USP32: variants seen among roughly 807,000 people sequenced by gnomAD.
USP32 encodes the protein ubiquitin specific peptidase 32.
In USP32, 59 loss-of-function variants were observed where a neutral mutation model predicts 204.8. That is an observed-to-expected ratio of 0.29 (90% confidence interval 0.23 to 0.36). The LOEUF (loss-of-function observed/expected upper bound fraction) is 0.36, where lower values mean the gene tolerates loss of function less well. USP32 is among the 10% of genes least tolerant of loss of function. The pLI, the probability that USP32 is intolerant of heterozygous loss-of-function variation, is 1.00. For missense variants in USP32, 1,160 were observed against 1,946.4 expected (o/e 0.60, Z 7.60); for synonymous variants, 517 against 678.4 (o/e 0.76, Z 3.70).
At chr17:60,198,965 A>C (rs2084599208) in intron 26 of USP32, among the ~76,000 whole-genome samples, 1 of 152,100 alleles carries the variant, frequency 6.6e-6, no homozygotes, top group Non-Finnish European at 1.5e-5. Flanking sequence ...AAATAAATAC[A>C]ATTAGCTGGG....
At chr17:60,351,182 G>A (rs1408430651) in intron 1 of USP32, among the ~76,000 whole-genome samples, 1 of 152,104 alleles carries the variant, frequency 6.6e-6, no homozygotes, top group African/African-American at 2.4e-5. Flanking sequence ...CAAAGTCTAT[G>A]AGGAGTAGTT....
intron 29 of USP32, chr17:60,185,856 G>C: frequency 3.9e-6 from 2 of 509,916 alleles, no homozygotes; most frequent in Non-Finnish European, 6.8e-6. Flanking sequence ...GAGTCCAGGA[G>C]TTCGAAACCA....
intron 11 of USP32, among the ~76,000 whole-genome samples, chr17:60,242,317 T>C (rs1209618894): frequency 6.6e-6 from 1 of 152,168 alleles, no homozygotes; most frequent in Non-Finnish European, 1.5e-5. Flanking sequence ...TTTTTTTCTT[T>C]TTAAAGTCAG....
intron 28 of USP32, 55 bp downstream of exon 28, chr17:60,192,789 T>A: frequency 6.3e-7 from 1 of 1,585,236 alleles, no homozygotes; most frequent in South Asian, 1.1e-5. Context: ...ATGAAAACTG[T>A]ATAATATCTA....
intron 1 of USP32, among the ~76,000 whole-genome samples, chr17:60,406,202 T>A (rs959916348): frequency 3.5e-4 from 47 of 135,542 alleles, no homozygotes; most frequent in Middle Eastern, 3.7e-3. Context: ...AAAAAAAAAA[T>A]TTTTTTTTGG....
At chr17:60,209,723 AC>A (rs144710628) in intron 21 of USP32, among the ~76,000 whole-genome samples, 180 bp from the exon 22 acceptor site, 179 of 150,464 alleles carry the variant, frequency 1.2e-3, no homozygotes, top group African/African-American at 4.2e-3. Flanking sequence ...ATGTCAAATG[AC>A]CCCCCCCAAA....
At chr17:60,327,855 G>C (rs1007750022) in intron 2 of USP32, among the ~76,000 whole-genome samples, 2 of 152,236 alleles carry the variant, frequency 1.3e-5, no homozygotes, top group Non-Finnish European at 2.9e-5. Flanking sequence ...AGCCCGGCCA[G>C]GTATGTGGAC....
chr17:60,316,707 G>C (rs58449198), intron 2 of USP32, among the ~76,000 whole-genome samples: 17 of 152,016 alleles, frequency 1.1e-4, no homozygotes, highest in East Asian at 1.9e-4. Context: ...CGGGTGTGGT[G>C]GTGGGCGCCT....
rs1006273780 is a variant in USP32 at position 60,210,444 on chromosome 17, T to C, written c.2424+569A>G. On this transcript the variant is annotated intron_variant, in intron 21 of 33. Transcript: ENST00000300896. ...CTCGTGCCTCAGCCTCCCAAGTAGC[T>C]GGGATTACAAGCATGCACCACTATG... Among the ~76,000 whole-genome samples the C allele has an allele frequency of 2.6e-5, 4 of 152,256 alleles. No homozygotes were observed. In the East Asian group the frequency reaches 7.7e-4, roughly 29 times the overall value.
At chr17:60,303,692 GA>G (rs1269859208) in intron 2 of USP32, among the ~76,000 whole-genome samples, 3 of 152,108 alleles carry the variant, frequency 2.0e-5, no homozygotes, top group African/African-American at 7.2e-5. Flanking sequence ...TGTCCTATAT[GA>G]AGCACTTATG....
chr17:60,261,049 G>A (rs2086440163), intron 9 of USP32, among the ~76,000 whole-genome samples: 1 of 152,126 alleles, frequency 6.6e-6, no homozygotes, highest in South Asian at 2.1e-4. Context: ...GTTTTACACT[G>A]AACAGTCACG....
At chr17:60,309,428 CCT>C (rs1438622163) in intron 2 of USP32, among the ~76,000 whole-genome samples, 2 of 151,840 alleles carry the variant, frequency 1.3e-5, no homozygotes, top group Admixed American at 6.6e-5. Flanking sequence ...GGCAGAAACC[CCT>C]GTCTCTACAA....
chr17:60,227,577 C>CTTT (rs1488979608), intron 12 of USP32, among the ~76,000 whole-genome samples: 2 of 147,496 alleles, frequency 1.4e-5, no homozygotes, highest in African/African-American at 5.0e-5. Flanking sequence ...TTCAGTTTTT[C>CTTT]TTTTCTTTTT....
Position 60,184,124 on chromosome 17 carries a change from A to AAAAT in USP32, c.3835-675_3835-672dup, listed in dbSNP as rs1050036078. ...ACACAGTGAAACCTCATCTCTACTA[A>AAAAT]AAATAAATAAATAAATAAATAAATA... is the stretch of plus-strand genomic sequence containing the variant. On this transcript the variant is annotated intron_variant, in intron 30 of 33. Coordinates refer to ENST00000300896, the MANE Select transcript of USP32 (RefSeq NM_032582.4). Among the ~76,000 whole-genome samples, 1,005 of 151,504 alleles carry AAAAT rather than the reference A, an allele frequency of 6.6e-3. 14 individuals carry two copies. Among genetic ancestry groups the AAAAT allele is most frequent in the African/African-American group, 0.021 (859 of 41,300 alleles).
intron 1 of USP32, among the ~76,000 whole-genome samples, chr17:60,376,085 G>A (rs868516885): frequency 1.7e-4 from 26 of 151,250 alleles, no homozygotes; most frequent in South Asian, 6.3e-4. Context: ...CACTCCTGTC[G>A]CCCAGGCTGG....
intron 26 of USP32, among the ~76,000 whole-genome samples, chr17:60,199,798 A>G (rs1321941528): frequency 6.6e-6 from 1 of 152,050 alleles, no homozygotes; most frequent in African/African-American, 2.4e-5. Context: ...AACCCACACA[A>G]TTTTCATCCT....
intron 9 of USP32, among the ~76,000 whole-genome samples, chr17:60,256,478 G>C (rs2086308596): frequency 6.6e-6 from 1 of 152,066 alleles, no homozygotes; most frequent in African/African-American, 2.4e-5. Flanking sequence ...CTTGAATAAT[G>C]TTTCATTCAA....
Position 60,271,497 on chromosome 17 carries a change from A to T in USP32, c.572-16T>A, listed in dbSNP as rs750281654. 1 of 1,611,444 alleles carries T rather than the reference A, an allele frequency of 6.2e-7. No individual in the cohort carries two copies. Among genetic ancestry groups the T allele is most frequent in the East Asian group, 2.2e-5 (1 of 44,810 alleles). On this transcript the variant is annotated splice_polypyrimidine_tract_variant and intron_variant, in intron 5 of 33. Transcript: ENST00000300896. ...GATTCCTCCACTAAGGGTCAAATCA[A>T]AAAAGATTATAAAACCTCAGAATTC...
chr17:60,414,089 G>A (rs537945028), intron 1 of USP32, among the ~76,000 whole-genome samples: 21 of 152,098 alleles, frequency 1.4e-4, no homozygotes, highest in African/African-American at 4.6e-4. Flanking sequence ...TCGGCTGGGC[G>A]TGGTGGCTCA....
Sources: gnomAD v4.1 joint callset for allele counts (sites outside exome capture counted in the v4.1 genomes callset) on GRCh38, gnomAD v4.1.1 for gene constraint, MANE v1.5 for transcripts, NCBI Gene and HGNC (gene_info 2026-07-23, HGNC 2026-07-21) for gene names.